Variants in GPR143 observed in about 807,000 individuals in gnomAD.
The protein encoded by GPR143 is G-protein coupled receptor 143.
A neutral mutation model predicts 27.6 loss-of-function variants in GPR143; 8 were observed. That is an observed-to-expected ratio of 0.29 (90% CI 0.17 to 0.52). The LOEUF is 0.52. Ranked by LOEUF, GPR143 falls within the 20% of genes least tolerant of loss-of-function variation. GPR143 has a pLI of 0.96. For missense variants in GPR143, 303 were observed against 343.1 expected (o/e 0.88, Z 0.92); for synonymous variants, 156 against 153.2 (o/e 1.02, Z -0.13).
intron 8 of GPR143, among the ~76,000 whole-genome samples, chrX:9,727,114 G>T (rs752988024): frequency 1.2e-4 from 14 of 113,070 alleles, no homozygotes; most frequent in African/African-American, 4.5e-4. Flanking sequence ...GCTGGTAACG[G>T]ATGAAATCCA....
chrX:9,775,139 G>A (rs889483873), intron 1 of GPR143, among the ~76,000 whole-genome samples: 5 of 112,189 alleles, frequency 4.5e-5, no homozygotes, highest in African/African-American at 1.6e-4. Flanking sequence ...TGGGATTATA[G>A]GTGTGAAAGG....
chrX:9,766,890 C>T (rs2083535846), upstream of GPR143, among the ~76,000 whole-genome samples: 1 of 78,033 alleles, frequency 1.3e-5, no homozygotes, highest in Non-Finnish European at 2.4e-5. Context: ...GAGTGAGACC[C>T]TATCTCTCTC....
At chrX:9,778,441 T>C (rs1164324003) in intron 1 of GPR143, among the ~76,000 whole-genome samples, 1 of 109,882 alleles carries the variant, frequency 9.1e-6, no homozygotes, top group African/African-American at 3.3e-5. Flanking sequence ...CATGCTCAGT[T>C]GGGGTCCTCC....
At chrX:9,761,241 CCACA>C (rs2083498686) in intron 1 of GPR143, among the ~76,000 whole-genome samples, 2 of 111,033 alleles carry the variant, frequency 1.8e-5, no homozygotes, top group Non-Finnish European at 3.8e-5. Context: ...TTACAGGCAC[CCACA>C]ACCACGCCCA....
At chrX:9,766,068 GGGAGGA>G (rs760397806), upstream of GPR143, 120 of 255,611 alleles carry the variant, frequency 4.7e-4, no homozygotes, top group Admixed American at 3.6e-3. Context: ...GAGAGGAAGA[GGGAGGA>G]GGAGGAGGGA....
rs1215803920 is a variant in GPR143 at position 9,743,691 on chromosome X, A to G, written c.659-18T>C. 1 of 888,977 alleles carries G rather than the reference A, an allele frequency of 1.1e-6. No homozygotes were observed. The highest frequency in any genetic ancestry group is 2.2e-5 in the Admixed American group (1 of 45,694). 73.3% of individuals were successfully genotyped at this position (888,977 alleles called of 1,213,427 possible). ...AGAGGCCACTGTGAAGAACAGAAGGAACTATGTATGGTGTTCATTATTCAT... is the reference window on the plus strand; with the variant it reads ...AGAGGCCACTGTGAAGAACAGAAGGGACTATGTATGGTGTTCATTATTCAT... On this transcript the variant is annotated intron_variant, in intron 5 of 8. Coordinates refer to ENST00000467482, the MANE Select transcript of GPR143 (RefSeq NM_000273.3).
At chrX:9,777,887 G>A (rs759839898) in intron 1 of GPR143, among the ~76,000 whole-genome samples, 4 of 109,391 alleles carry the variant, frequency 3.7e-5, no homozygotes, top group African/African-American at 1.3e-4. Context: ...TCAGGAGATC[G>A]AGACCATCCT....
intron 6 of GPR143, among the ~76,000 whole-genome samples, chrX:9,743,169 C>T (rs2083411919): frequency 1.0e-5 from 1 of 96,875 alleles, no homozygotes; most frequent in South Asian, 5.1e-4. Context: ...TGTGATTGAG[C>T]CACTGCACTC....
upstream of GPR143, among the ~76,000 whole-genome samples, chrX:9,767,474 C>G (rs907395470): frequency 9.1e-6 from 1 of 110,318 alleles, no homozygotes. Context: ...TGATCTGTGC[C>G]GTCTTCCTCT....
At chrX:9,737,954 CCT>C (rs1409651488) in intron 8 of GPR143, among the ~76,000 whole-genome samples, 1 of 111,812 alleles carries the variant, frequency 8.9e-6, no homozygotes. Context: ...GAGACGTGTT[CCT>C]TCCGCTACAC....
In GPR143 at chrX:9,729,533, G is replaced by A. The variant is rs188635121; in HGVS notation, c.1121-3693C>T. 2.7e-5 allele frequency among the ~76,000 whole-genome samples: 3 copies of A among 112,149 alleles called. No individual in the cohort carries two copies. The East Asian group carries it at 8.4e-4, about 31-fold the overall frequency. On this transcript the variant is annotated intron_variant, in intron 8 of 8. Transcript: ENST00000467482. ...ATTCTGCTGGGAGGGAGCTGCCCAA[G>A]TTCAGCCTGCCTGTGCTCAGCTCAA...
At chrX:9,737,817 G>T (rs747022229) in intron 8 of GPR143, among the ~76,000 whole-genome samples, 23 of 111,646 alleles carry the variant, frequency 2.1e-4, no homozygotes, top group Non-Finnish European at 4.3e-4. Context: ...GCAACATAAT[G>T]GGACCTCGTG....
chrX:9,735,690 G>A (rs749792199), intron 8 of GPR143, among the ~76,000 whole-genome samples: 1 of 112,272 alleles, frequency 8.9e-6, no homozygotes, highest in South Asian at 3.7e-4. Context: ...CTTGTGTGAA[G>A]TACCTAGTAA....
At chrX:9,739,889 G>GGGGCAA (rs2083395384) in intron 7 of GPR143, among the ~76,000 whole-genome samples, 170 bp from the exon 8 acceptor site, 1 of 112,201 alleles carries the variant, frequency 8.9e-6, no homozygotes, top group Admixed American at 9.4e-5. Flanking sequence ...GGGTTGGTTT[G>GGGGCAA]GGGCAAGATG....
intron 3 of GPR143, among the ~76,000 whole-genome samples, chrX:9,753,698 G>A (rs1414985481): frequency 9.0e-6 from 1 of 111,479 alleles, no homozygotes; most frequent in Non-Finnish European, 1.9e-5. Context: ...GAGGCCTTAT[G>A]CCTCCTGAAT....
intron 1 of GPR143, among the ~76,000 whole-genome samples, chrX:9,774,419 C>T (rs1458897259): frequency 2.7e-5 from 3 of 112,127 alleles, no homozygotes; most frequent in Non-Finnish European, 5.6e-5. Context: ...TCAGGGCCGC[C>T]TGGTGGGGCG....
intron 8 of GPR143, 123 bp from the exon 9 acceptor site, chrX:9,725,963 A>G: frequency 3.9e-6 from 2 of 514,691 alleles, no homozygotes; most frequent in East Asian, 2.4e-4. Context: ...TCAAAGTCCT[A>G]GCATTCATCT....
In GPR143 at chrX:9,760,736, G is replaced by A. The variant is rs747427187; in HGVS notation, c.341C>T (p.Ala114Val). 1.7e-6 allele frequency: 2 copies of A among 1,187,208 alleles called. No individual in the cohort carries two copies. Among genetic ancestry groups the A allele is most frequent in the Non-Finnish European group, 2.3e-6 (2 of 875,690 alleles). Residue 114 changes from alanine to valine, a missense_variant, in exon 2 of 9, where the codon GCT becomes GTT. By Grantham distance (64) the Ala-to-Val change is moderately conservative. Coordinates refer to ENST00000467482, the MANE Select transcript of GPR143 (RefSeq NM_000273.3). The part of the protein sequence containing the change: ...DMNHTEIWPA[A>V]FCVGSAMWIQ... ...ACTCACCGCACTCCCCACGCAGAAAGCAGCAGGCCAAATTTCCGTGTGGTT... is the reference window on the plus strand; with the variant it reads ...ACTCACCGCACTCCCCACGCAGAAAACAGCAGGCCAAATTTCCGTGTGGTT...
At chrX:9,770,323 A>AAGAGAGAGAGAGAGAGAGAGAG (rs201287124), upstream of GPR143, among the ~76,000 whole-genome samples, 2 of 89,019 alleles carry the variant, frequency 2.2e-5, no homozygotes, top group Admixed American at 1.3e-4. Flanking sequence ...AAGAAAGAAA[A>AAGAGAGAGAGAGAGAGAGAGAG]AGAGAGAGAG....
Sources: allele counts gnomAD v4.1 joint callset (sites outside exome capture counted in the v4.1 genomes callset), GRCh38; gene constraint gnomAD v4.1.1; transcripts MANE v1.5; gene names NCBI Gene and HGNC (gene_info 2026-07-23, HGNC 2026-07-21).